Variants in RPS6KC1 observed in about 807,000 individuals in gnomAD.
RPS6KC1 encodes ribosomal protein S6 kinase C1.
In RPS6KC1, 54 loss-of-function variants were observed where a neutral mutation model predicts 103.8. The ratio of observed to expected loss-of-function variants is 0.52; its 90% CI spans 0.42 to 0.65. The LOEUF (loss-of-function observed/expected upper bound fraction) is 0.65. Among genes scored for constraint, RPS6KC1 ranks in the 30% least tolerant of loss-of-function variants. The pLI is 0.00. For synonymous variants in RPS6KC1, 439 were observed against 438.7 expected (o/e 1.00, Z -0.01); for missense variants, 1,151 against 1,253.8 (o/e 0.92, Z 1.24).
chr1:213,316,086 G>C, the RPS6KC1 span, among the ~76,000 whole-genome samples: 4 of 152,214 alleles, frequency 2.6e-5, no homozygotes, highest in African/African-American at 7.2e-5. Context: ...GGAGAGACCT[G>C]GTGGGAGGTG....
At chr1:213,577,358 T>G in the RPS6KC1 span, among the ~76,000 whole-genome samples, 2 of 152,212 alleles carry the variant, frequency 1.3e-5, no homozygotes, top group Non-Finnish European at 2.9e-5. Context: ...AATTACCCAG[T>G]CTCAAGTATT....
chr1:213,058,552 C>T (rs1051736022), intron 1 of RPS6KC1, among the ~76,000 whole-genome samples: 4 of 151,666 alleles, frequency 2.6e-5, no homozygotes, highest in African/African-American at 7.3e-5. Flanking sequence ...AACCTTTCTT[C>T]GTTGAATTGC....
the RPS6KC1 span, among the ~76,000 whole-genome samples, chr1:213,783,484 C>G: frequency 2.0e-5 from 3 of 152,122 alleles, no homozygotes; most frequent in Non-Finnish European, 2.9e-5. Flanking sequence ...GCCTCCCCCC[C>G]TCAGATCTCC....
chr1:213,633,635 C>A, the RPS6KC1 span, among the ~76,000 whole-genome samples: 1 of 151,686 alleles, frequency 6.6e-6, no homozygotes, highest in Non-Finnish European at 1.5e-5. Context: ...AGAAACCACA[C>A]CAACTAATGG....
the RPS6KC1 span, among the ~76,000 whole-genome samples, chr1:213,336,705 C>T: frequency 4.6e-5 from 7 of 152,140 alleles, no homozygotes; most frequent in African/African-American, 1.4e-4. Context: ...CTGAAGCTCA[C>T]GGAGTTGAAT....
At chr1:213,515,158 A>G in the RPS6KC1 span, among the ~76,000 whole-genome samples, 54 of 151,930 alleles carry the variant, frequency 3.6e-4, no homozygotes, top group African/African-American at 1.2e-3. Flanking sequence ...GATTGCAAAA[A>G]TTTTCTCCCA....
chr1:213,133,992 T>C (rs184514824), intron 6 of RPS6KC1, among the ~76,000 whole-genome samples: 148 of 152,254 alleles, frequency 9.7e-4, no homozygotes, highest in Middle Eastern at 6.8e-3. Flanking sequence ...TTTGTTTGTT[T>C]TCACTCAGCC....
chr1:213,645,001 C>T, the RPS6KC1 span, among the ~76,000 whole-genome samples: 1 of 152,068 alleles, frequency 6.6e-6, no homozygotes, highest in East Asian at 1.9e-4. Flanking sequence ...CAGAGGGTGA[C>T]AATGTGGTAT....
the RPS6KC1 span, among the ~76,000 whole-genome samples, chr1:213,585,545 G>C: frequency 4.6e-5 from 7 of 152,186 alleles, no homozygotes; most frequent in African/African-American, 1.7e-4. Flanking sequence ...CCAGTCTGAA[G>C]TCCTGATCCC....
intron 7 of RPS6KC1, among the ~76,000 whole-genome samples, chr1:213,168,654 A>C (rs2091206739): frequency 6.6e-6 from 1 of 151,180 alleles, no homozygotes; most frequent in Non-Finnish European, 1.5e-5. Context: ...ACGGAGTCTC[A>C]CTCTGTCCCC....
At position 213,185,289 on chromosome 1, in the gene RPS6KC1, G is replaced by A. The variant is rs537862047; in HGVS notation, c.1044+8797G>A. Among the ~76,000 whole-genome samples the A allele has an allele frequency of 1.3e-5, 2 of 152,206 alleles. 1 individual carries two copies. Among genetic ancestry groups the A allele is most frequent in the African/African-American group, 4.8e-5 (2 of 41,538 alleles). On this transcript the variant is annotated intron_variant, in intron 8 of 14. Transcript: ENST00000366960. ...CTATGTGTCTTTATAGGTAGGGTAG[G>A]TTTCTTGAAGACAGCATATAGTTGG...
chr1:213,784,220 G>C, the RPS6KC1 span, among the ~76,000 whole-genome samples: 1 of 152,138 alleles, frequency 6.6e-6, no homozygotes, highest in South Asian at 2.1e-4. Flanking sequence ...TCTTTCCCAA[G>C]GACTAGCAGC....
the RPS6KC1 span, among the ~76,000 whole-genome samples, chr1:213,660,886 C>T: frequency 6.6e-6 from 1 of 152,166 alleles, no homozygotes; most frequent in East Asian, 1.9e-4. Flanking sequence ...TTGTGTCATG[C>T]ACAAATTCGC....
chr1:213,265,521 G>A (rs533152973), intron 14 of RPS6KC1, among the ~76,000 whole-genome samples: 112 of 152,280 alleles, frequency 7.4e-4, no homozygotes, highest in African/African-American at 2.7e-3. Context: ...ATATTAAAAT[G>A]TTTGGTGCCT....
At chr1:213,394,580 C>T in the RPS6KC1 span, among the ~76,000 whole-genome samples, 1 of 152,164 alleles carries the variant, frequency 6.6e-6, no homozygotes, top group South Asian at 2.1e-4. Context: ...TGGCTTTGCT[C>T]TTCTGTGCCT....
At chr1:213,774,086 A>G in the RPS6KC1 span, among the ~76,000 whole-genome samples, 1 of 152,188 alleles carries the variant, frequency 6.6e-6, no homozygotes, top group South Asian at 2.1e-4. Flanking sequence ...TCTGGACACA[A>G]ACCTCTTGGG....
At chr1:213,676,637 G>T in the RPS6KC1 span, among the ~76,000 whole-genome samples, 1 of 152,108 alleles carries the variant, frequency 6.6e-6, no homozygotes, top group Non-Finnish European at 1.5e-5. Context: ...CCTCTTCATT[G>T]CCCAGCCTTC....
chr1:213,643,010 T>C, the RPS6KC1 span, among the ~76,000 whole-genome samples: 2 of 151,938 alleles, frequency 1.3e-5, no homozygotes, highest in African/African-American at 4.8e-5. Flanking sequence ...TTTAGAGCTA[T>C]ATTTTATTTC....
the RPS6KC1 span, among the ~76,000 whole-genome samples, chr1:213,824,033 A>G: frequency 1.3e-5 from 2 of 152,188 alleles, no homozygotes; most frequent in East Asian, 1.9e-4. Flanking sequence ...GATGCTATCC[A>G]TAGAAAGTCC....
Sources: gnomAD v4.1 joint callset for allele counts (sites outside exome capture counted in the v4.1 genomes callset) on GRCh38, gnomAD v4.1.1 for gene constraint, MANE v1.5 for transcripts, NCBI Gene and HGNC (gene_info 2026-07-23, HGNC 2026-07-21) for gene names.